The following XKR4 variants were observed in gnomAD, a reference collection of about 807,000 sequenced individuals.
The protein encoded by XKR4 is XK-related protein 4.
XKR4 carries 12 observed loss-of-function variants against 53.9 expected under a neutral mutation model. That is an observed-to-expected ratio of 0.22 (90% confidence interval 0.14 to 0.36). XKR4 has a LOEUF of 0.36. XKR4 is among the 10% of genes least tolerant of loss of function. The probability of loss-of-function intolerance (pLI) is 1.00; values close to 1 mark genes in which losing one functional copy is unlikely to be tolerated. For synonymous variants in XKR4, 354 were observed against 362.4 expected (o/e 0.98, Z 0.26); for missense variants, 799 against 859.5 (o/e 0.93, Z 0.88).
intron 1 of XKR4, among the ~76,000 whole-genome samples, chr8:55,218,420 G>A (rs1388697974): frequency 6.6e-6 from 1 of 152,008 alleles, no homozygotes; most frequent in Non-Finnish European, 1.5e-5. Flanking sequence ...TTTAAGTGAG[G>A]GTTATCCACA....
intron 2 of XKR4, among the ~76,000 whole-genome samples, chr8:55,506,873 T>C (rs868553346): frequency 6.6e-6 from 1 of 152,252 alleles, no homozygotes; most frequent in Admixed American, 6.5e-5. Context: ...GCTGACAGAA[T>C]ATTCCACAAG....
intron 1 of XKR4, among the ~76,000 whole-genome samples, chr8:55,112,894 G>T (rs1279391498): frequency 6.6e-6 from 1 of 151,958 alleles, no homozygotes; most frequent in Non-Finnish European, 1.5e-5. Flanking sequence ...ACCTGAATTT[G>T]TTATTATAAC....
intron 2 of XKR4, among the ~76,000 whole-genome samples, chr8:55,402,880 G>T (rs1804623720): frequency 6.6e-6 from 1 of 152,132 alleles, no homozygotes; most frequent in Non-Finnish European, 1.5e-5. Context: ...GGGAGAGTGG[G>T]CCCACAGACC....
chr8:55,292,945 T>G (rs752525578), intron 1 of XKR4, among the ~76,000 whole-genome samples: 2 of 152,252 alleles, frequency 1.3e-5, no homozygotes, highest in Non-Finnish European at 2.9e-5. Context: ...GAGGTTTCCC[T>G]GTCTTTCTGT....
chr8:55,345,090 T>G (rs1382710683), intron 1 of XKR4, among the ~76,000 whole-genome samples: 1 of 152,088 alleles, frequency 6.6e-6, no homozygotes, highest in African/African-American at 2.4e-5. Context: ...AAGACAAGCC[T>G]CGCCAACATG....
intron 1 of XKR4, among the ~76,000 whole-genome samples, chr8:55,355,833 C>A (rs1803790375): frequency 6.6e-6 from 1 of 152,226 alleles, no homozygotes; most frequent in Non-Finnish European, 1.5e-5. Context: ...TCTGCACCTG[C>A]ACTTCCTTGC....
intron 1 of XKR4, among the ~76,000 whole-genome samples, chr8:55,143,617 C>T (rs117930453): frequency 0.017 from 2,546 of 152,174 alleles, 37 homozygotes; most frequent in Middle Eastern, 0.051. Context: ...TATAATTTTT[C>T]GATTAAAAGG....
At chr8:55,205,895 T>A (rs1380546245) in intron 1 of XKR4, among the ~76,000 whole-genome samples, 1 of 151,968 alleles carries the variant, frequency 6.6e-6, no homozygotes, top group Non-Finnish European at 1.5e-5. Context: ...GTGTCCAGAG[T>A]TTGTTCCTTC....
In XKR4 at chr8:55,535,126, C is replaced by T. The variant is rs113477452; in HGVS notation, c.*10899C>T. 1.3e-5 allele frequency: 2 copies of T among 152,152 alleles called. No homozygotes were observed. The highest frequency in any genetic ancestry group is 1.9e-4 in the East Asian group (1 of 5,174). 9.4% of individuals were successfully genotyped at this position (152,152 alleles called of 1,614,324 possible). ...TTCCCAGTTATCAGCACTAGCATCA[C>T]GGCGAGTCAGTTTTCAGAACTAGCT... On this transcript the variant is annotated 3_prime_UTR_variant, in exon 3 of 3. Coordinates refer to ENST00000327381, the MANE Select transcript of XKR4 (RefSeq NM_052898.2).
At chr8:55,214,010 C>T (rs552905113) in intron 1 of XKR4, among the ~76,000 whole-genome samples, 20 of 151,686 alleles carry the variant, frequency 1.3e-4, no homozygotes, top group East Asian at 1.9e-4. Flanking sequence ...TACAGGCGTG[C>T]GCCACCACAC....
rs1014294387 is a variant in XKR4, at chr8:55,540,347, C to T, written c.*16120C>T. ...AAAGGAGTGTCTCCCAATTAGTTTA[C>T]GTGTGTTAGTATTGCTGACATATTA... On this transcript the variant is annotated 3_prime_UTR_variant, in exon 3 of 3. Coordinates refer to ENST00000327381, the MANE Select transcript of XKR4 (RefSeq NM_052898.2). 4.6e-5 allele frequency: 7 copies of T among 152,154 alleles called. No individual in the cohort carries two copies. The highest frequency in any genetic ancestry group is 4.1e-4 in the South Asian group (2 of 4,836). The allele number at this position is 152,154 out of a possible 1,614,324, so 9.4% of individuals were successfully genotyped here. A position where few individuals can be genotyped will look rare whatever the true frequency, so the allele number is the denominator to read the frequency against.
chr8:55,535,835 T>G lies in XKR4; in HGVS notation c.*11608T>G, dbSNP rs1421846005. The G allele has an allele frequency of 1.3e-5, 2 of 152,256 alleles. No homozygotes were observed. Among genetic ancestry groups the G allele is most frequent in the Non-Finnish European group, 2.9e-5 (2 of 68,054 alleles). The allele number at this position is 152,256 out of a possible 1,614,324, so 9.4% of individuals were successfully genotyped here. ...GAAAACAGAGATGTCAGTGGTGTCA[T>G]GTCTAAGAGTGACTCTGTCATTAGG... On this transcript the variant is annotated 3_prime_UTR_variant, in exon 3 of 3. Coordinates refer to ENST00000327381, the MANE Select transcript of XKR4 (RefSeq NM_052898.2).
At chr8:55,489,724 CTAGA>C (rs2129402028) in intron 2 of XKR4, among the ~76,000 whole-genome samples, 1 of 151,534 alleles carries the variant, frequency 6.6e-6, no homozygotes, top group Non-Finnish European at 1.5e-5. Flanking sequence ...TACATAATTC[CTAGA>C]TATATGTCAC....
At chr8:55,131,447 G>A (rs1763480966) in intron 1 of XKR4, among the ~76,000 whole-genome samples, 2 of 152,174 alleles carry the variant, frequency 1.3e-5, no homozygotes, top group Admixed American at 1.3e-4. Flanking sequence ...GTTACACAGT[G>A]GAGCATACAT....
At chr8:55,372,585 T>C (rs1298892380) in intron 2 of XKR4, among the ~76,000 whole-genome samples, 3 of 150,474 alleles carry the variant, frequency 2.0e-5, no homozygotes, top group Non-Finnish European at 4.4e-5. Flanking sequence ...CAGACAGTTA[T>C]AGGATCAGGA....
At chr8:55,392,040 T>C (rs77899396) in intron 2 of XKR4, among the ~76,000 whole-genome samples, 2,009 of 152,062 alleles carry the variant, frequency 0.013, 50 homozygotes, top group African/African-American at 0.046. Flanking sequence ...AATGAAGGAG[T>C]TACAAGCATA....
intron 2 of XKR4, chr8:55,450,432 G>C (rs1289791123): frequency 8.7e-6 from 5 of 577,846 alleles, no homozygotes; most frequent in Non-Finnish European, 1.3e-5. Flanking sequence ...TGCTCATCCG[G>C]TCCACACAGA....
At chr8:55,404,246 T>C (rs1704718224) in intron 2 of XKR4, among the ~76,000 whole-genome samples, 1 of 151,992 alleles carries the variant, frequency 6.6e-6, no homozygotes, top group South Asian at 2.1e-4. Flanking sequence ...GAAAGAGAGA[T>C]AGGTAGATAG....
intron 1 of XKR4, among the ~76,000 whole-genome samples, chr8:55,119,682 A>C (rs1816364430): frequency 6.6e-6 from 1 of 152,234 alleles, no homozygotes; most frequent in Non-Finnish European, 1.5e-5. Context: ...AATCAATTGC[A>C]GTTTGAAAGT....
Sources: allele counts gnomAD v4.1 joint callset (sites outside exome capture counted in the v4.1 genomes callset), GRCh38; gene constraint gnomAD v4.1.1; transcripts MANE v1.5; gene names NCBI Gene and HGNC (gene_info 2026-07-23, HGNC 2026-07-21).